Variants in FBXO17 observed in about 807,000 individuals in gnomAD.
FBXO17 encodes F-box only protein 17.
A neutral mutation model predicts 34.1 loss-of-function variants in FBXO17; 43 were observed. That is an observed-to-expected ratio of 1.26 (90% CI 0.99 to 1.62). The LOEUF (loss-of-function observed/expected upper bound fraction) is 1.62. Among genes scored for constraint, FBXO17 ranks in the 40% most tolerant of loss-of-function variants. FBXO17 has a pLI of 0.00. For synonymous variants in FBXO17, 169 were observed against 166.0 expected (o/e 1.02, Z -0.14); for missense variants, 424 against 386.7 (o/e 1.10, Z -0.81).
At chr19:38,952,241 C>G (rs1975096047) in intron 1 of FBXO17, among the ~76,000 whole-genome samples, 1 of 152,192 alleles carries the variant, frequency 6.6e-6, no homozygotes, top group Admixed American at 6.5e-5. Flanking sequence ...GCCACCACGC[C>G]TGGCCTGAGT....
At position 38,954,372 on chromosome 19, in the gene FBXO17, C is replaced by T. The variant is rs961107313; in HGVS notation, c.-17-4036G>A. 2.0e-5 allele frequency among the ~76,000 whole-genome samples: 3 copies of T among 151,840 alleles called. 1 individual carries two copies. The highest frequency in any genetic ancestry group is 7.3e-5 in the African/African-American group (3 of 41,378). On this transcript the variant is annotated intron_variant, in intron 1 of 5. Coordinates refer to ENST00000292852, the MANE Select transcript of FBXO17 (RefSeq NM_024907.7). ...GCAACCTCCACCTCCTGGGTTCAAG[C>T]GATTCTCCTACCTCAGCCTCCCAAG...
At chr19:38,963,233 T>C (rs1023391576) in intron 1 of FBXO17, among the ~76,000 whole-genome samples, 3 of 152,012 alleles carry the variant, frequency 2.0e-5, no homozygotes, top group Admixed American at 6.6e-5. Flanking sequence ...TTCCTTGAGT[T>C]GTAGGCATGG....
chr19:38,959,453 ATT>A (rs112940577), intron 1 of FBXO17, among the ~76,000 whole-genome samples: 4,377 of 137,904 alleles, frequency 0.032, 188 homozygotes, highest in African/African-American at 0.11. Context: ...TAATTTTTGT[ATT>A]TTTTTTTTTT....
chr19:38,943,833 G>C (rs888750491), intron 5 of FBXO17, among the ~76,000 whole-genome samples: 2 of 151,914 alleles, frequency 1.3e-5, no homozygotes, highest in African/African-American at 4.8e-5. Context: ...CAAGTGATCT[G>C]TCCGCCTTGA....
chr19:38,942,599 G>A lies in FBXO17; in HGVS notation c.*9C>T. On this transcript the variant is annotated 3_prime_UTR_variant, in exon 6 of 6. Transcript: ENST00000292852. The stretch of plus-strand genomic sequence containing the variant: ...TCTTGACTGACAACGTCAGGCAGTA[G>A]TCCAGTCGCTAGGACAGACGGATCC... 2 of 1,549,582 alleles carry A rather than the reference G, an allele frequency of 1.3e-6. No homozygotes were observed. The highest frequency in any genetic ancestry group is 1.7e-6 in the Non-Finnish European group (2 of 1,154,000).
intron 1 of FBXO17, among the ~76,000 whole-genome samples, chr19:38,965,435 C>T (rs1014571460): frequency 1.3e-5 from 2 of 151,774 alleles, no homozygotes; most frequent in African/African-American, 4.8e-5. Context: ...TCAAGTGATT[C>T]TCGTGCCTCA....
At chr19:38,949,347 C>A (rs894786417) in intron 2 of FBXO17, among the ~76,000 whole-genome samples, 19 of 151,972 alleles carry the variant, frequency 1.3e-4, no homozygotes, top group African/African-American at 4.1e-4. Flanking sequence ...TGATCTGCCC[C>A]CTCGGGCCTC....
chr19:38,942,537 C>A lies in FBXO17; in HGVS notation c.*71G>T. 1.4e-6 allele frequency: 2 copies of A among 1,434,208 alleles called. No individual in the cohort carries two copies. The highest frequency in any genetic ancestry group is 1.6e-5 in the South Asian group (1 of 61,792). 88.8% of individuals were successfully genotyped at this position (1,434,208 alleles called of 1,614,324 possible). A position where few individuals can be genotyped will look rare whatever the true frequency, so the allele number is the denominator to read the frequency against. ...TCGGCCTCCTGAAGTGCTGGGATTC[C>A]ACAGGTGTGAGCCACTGCACCTGGC... On this transcript the variant is annotated 3_prime_UTR_variant, in exon 6 of 6. Coordinates refer to ENST00000292852, the MANE Select transcript of FBXO17 (RefSeq NM_024907.7).
Position 38,942,510 on chromosome 19 carries a change from C to T in FBXO17, c.*98G>A. The T allele has an allele frequency of 7.6e-7, 1 of 1,320,486 alleles. No individual in the cohort carries two copies. The highest frequency in any genetic ancestry group is 1.0e-6 in the Non-Finnish European group (1 of 1,000,934). 81.8% of individuals were successfully genotyped at this position (1,320,486 alleles called of 1,614,324 possible). A position where few individuals can be genotyped will look rare whatever the true frequency, so the allele number is the denominator to read the frequency against. On this transcript the variant is annotated 3_prime_UTR_variant, in exon 6 of 6. Transcript: ENST00000292852. ...CTCCCGAGCTCCAGTGATCCTCCCA[C>T]CTCGGCCTCCTGAAGTGCTGGGATT...
At chr19:38,974,302 T>C (rs1975433312) in intron 1 of FBXO17, among the ~76,000 whole-genome samples, 1 of 151,892 alleles carries the variant, frequency 6.6e-6, no homozygotes, top group Non-Finnish European at 1.5e-5. Flanking sequence ...GGTCTTGAAT[T>C]CCTGACCTCA....
At chr19:38,949,920 C>T (rs748910684) in intron 2 of FBXO17, 51 bp downstream of exon 2, 21 of 1,453,622 alleles carry the variant, frequency 1.4e-5, no homozygotes, top group Non-Finnish European at 1.9e-5. Flanking sequence ...CCGCCCCCGC[C>T]TCGCTCGCGC....
intron 1 of FBXO17, among the ~76,000 whole-genome samples, chr19:38,957,530 G>A (rs1288921105): frequency 6.6e-6 from 1 of 152,146 alleles, no homozygotes; most frequent in Non-Finnish European, 1.5e-5. Flanking sequence ...ATTTTTAGTA[G>A]AGACAGGGTT....
intron 1 of FBXO17, among the ~76,000 whole-genome samples, chr19:38,956,795 G>A (rs1177724523): frequency 7.9e-5 from 12 of 151,880 alleles, no homozygotes; most frequent in Admixed American, 1.3e-4. Flanking sequence ...CAGCAGAATC[G>A]CTTGAACCTG....
chr19:38,961,813 C>T (rs1286375740), intron 1 of FBXO17, among the ~76,000 whole-genome samples: 1 of 151,942 alleles, frequency 6.6e-6, no homozygotes, highest in African/African-American at 2.4e-5. Context: ...CAGGTGCGCA[C>T]CACCACACCC....
intron 1 of FBXO17, among the ~76,000 whole-genome samples, chr19:38,956,840 A>G (rs1441729656): frequency 1.3e-5 from 2 of 152,198 alleles, no homozygotes; most frequent in Non-Finnish European, 2.9e-5. Context: ...AGATCATGCC[A>G]CTGCACACAG....
chr19:38,971,097 CAAAA>C (rs36006162), intron 1 of FBXO17, among the ~76,000 whole-genome samples: 1 of 122,458 alleles, frequency 8.2e-6, no homozygotes. Context: ...GAGTCCATCT[CAAAA>C]AAAAAAAAAA....
intron 1 of FBXO17, among the ~76,000 whole-genome samples, chr19:38,954,952 A>G (rs1408012958): frequency 1.5e-5 from 2 of 137,656 alleles, no homozygotes; most frequent in African/African-American, 5.4e-5. Context: ...TATTTTTGAG[A>G]CGGAGTCTTG....
intron 2 of FBXO17, 54 bp from the exon 3 acceptor site, chr19:38,948,732 A>G: frequency 1.3e-6 from 2 of 1,514,234 alleles, no homozygotes; most frequent in Non-Finnish European, 1.8e-6. Flanking sequence ...TGCCCAGAAG[A>G]GACCCCGCAA....
chr19:38,945,194 A>T, intron 4 of FBXO17, 90 bp from the exon 5 acceptor site: 1 of 1,537,436 alleles, frequency 6.5e-7, no homozygotes, highest in Non-Finnish European at 8.8e-7. Flanking sequence ...CTCCATCTTG[A>T]TGAAGGTCCT....
Sources: gnomAD v4.1 joint callset for allele counts (sites outside exome capture counted in the v4.1 genomes callset) on GRCh38, gnomAD v4.1.1 for gene constraint, MANE v1.5 for transcripts, NCBI Gene and HGNC (gene_info 2026-07-23, HGNC 2026-07-21) for gene names.